The following TOM1L2 variants were observed in gnomAD, a reference collection of about 807,000 sequenced individuals.
TOM1L2 encodes the protein TOM1-like protein 2.
TOM1L2 carries 31 observed loss-of-function variants against 67.9 expected under a neutral mutation model. The observed-to-expected ratio is 0.46, with a 90% confidence interval of 0.34 to 0.62. The LOEUF (loss-of-function observed/expected upper bound fraction) is 0.62, where lower values mean the gene tolerates loss of function less well. Among genes scored for constraint, TOM1L2 ranks in the 20% least tolerant of loss-of-function variants. The probability of loss-of-function intolerance (pLI) is 0.01; values close to 1 mark genes in which losing one functional copy is unlikely to be tolerated. For missense variants in TOM1L2, 606 were observed against 663.5 expected (o/e 0.91, Z 0.95); for synonymous variants, 256 against 254.0 (o/e 1.01, Z -0.07).
intron 3 of TOM1L2, among the ~76,000 whole-genome samples, chr17:17,898,216 GCC>G (rs989412624): frequency 6.6e-6 from 1 of 152,076 alleles, no homozygotes; most frequent in African/African-American, 2.4e-5. Context: ...GAGTCACCGC[GCC>G]TGGCCAACAT....
At chr17:17,853,760 T>C (rs2036121148) in intron 12 of TOM1L2, among the ~76,000 whole-genome samples, 1 of 152,224 alleles carries the variant, frequency 6.6e-6, no homozygotes, top group African/African-American at 2.4e-5. Context: ...GACCCCACTT[T>C]CTTCACCGGA....
chr17:17,964,576 C>T (rs769180874), intron 1 of TOM1L2, among the ~76,000 whole-genome samples: 3 of 151,914 alleles, frequency 2.0e-5, no homozygotes, highest in Non-Finnish European at 4.4e-5. Context: ...TATTTTCTAT[C>T]GGTTATACAT....
chr17:17,898,148 A>T (rs1387293187), intron 3 of TOM1L2, among the ~76,000 whole-genome samples: 1 of 151,192 alleles, frequency 6.6e-6, no homozygotes, highest in East Asian at 1.9e-4. Context: ...CTGGTCTTGA[A>T]CTCCTGACCT....
intron 1 of TOM1L2, among the ~76,000 whole-genome samples, chr17:17,908,760 T>G (rs1318241752): frequency 1.3e-5 from 2 of 152,216 alleles, no homozygotes; most frequent in Non-Finnish European, 2.9e-5. Context: ...CCCATTAGGA[T>G]GGCTACTATC....
intron 13 of TOM1L2, among the ~76,000 whole-genome samples, chr17:17,849,816 G>C (rs2035859002): frequency 6.6e-6 from 1 of 152,222 alleles, no homozygotes; most frequent in South Asian, 2.1e-4. Context: ...TTCCTGCCTT[G>C]CTTCTGTGAG....
chr17:17,921,467 T>A (rs1460800822), intron 1 of TOM1L2, among the ~76,000 whole-genome samples: 1 of 152,118 alleles, frequency 6.6e-6, no homozygotes, highest in African/African-American at 2.4e-5. Context: ...ATGGAATAAC[T>A]TACGTGTGAG....
rs183171625 is a variant in TOM1L2, at chr17:17,953,752, G to A, written c.52+18510C>T. Among the ~76,000 whole-genome samples, 387 of 152,348 alleles carry A rather than the reference G, an allele frequency of 2.5e-3. 4 individuals are homozygous for A. Among genetic ancestry groups the A allele is most frequent in the African/African-American group, 8.9e-3 (369 of 41,588 alleles). ...ACTGGGTTTCAATCCTGTTGGTTGT[G>A]TGATTCTGAGAAAGTCACAACACAG... is the stretch of plus-strand genomic sequence containing the variant. On this transcript the variant is annotated intron_variant, in intron 1 of 14. Transcript: ENST00000379504.
intron 1 of TOM1L2, among the ~76,000 whole-genome samples, chr17:17,962,497 A>G (rs1036780746): frequency 1.3e-5 from 2 of 151,990 alleles, no homozygotes; most frequent in African/African-American, 4.8e-5. Flanking sequence ...GTATTTTAGT[A>G]GAGACAGGGT....
At chr17:17,954,223 AAAGT>A (rs1418967278) in intron 1 of TOM1L2, among the ~76,000 whole-genome samples, 1 of 152,204 alleles carries the variant, frequency 6.6e-6, no homozygotes, top group Non-Finnish European at 1.5e-5. Context: ...TGGGAACGGC[AAAGT>A]AAGTAGAGAC....
chr17:17,908,505 C>T (rs1303408977), intron 1 of TOM1L2, among the ~76,000 whole-genome samples: 1 of 152,026 alleles, frequency 6.6e-6, no homozygotes, highest in Non-Finnish European at 1.5e-5. Context: ...AGTGAACCTG[C>T]AGAGGAAGAA....
intron 1 of TOM1L2, among the ~76,000 whole-genome samples, chr17:17,912,311 G>T (rs1303348368): frequency 6.6e-6 from 1 of 151,632 alleles, no homozygotes; most frequent in African/African-American, 2.4e-5. Context: ...CTCCCGGACG[G>T]GGTGGCTGCC....
chr17:17,875,832 T>C (rs1329777650), intron 7 of TOM1L2, among the ~76,000 whole-genome samples: 1 of 152,154 alleles, frequency 6.6e-6, no homozygotes, highest in Admixed American at 6.5e-5. Flanking sequence ...GCTGCAAAGA[T>C]GGGAGGGAGA....
At chr17:17,906,288 C>G (rs1474011108) in intron 2 of TOM1L2, among the ~76,000 whole-genome samples, 1 of 152,024 alleles carries the variant, frequency 6.6e-6, no homozygotes, top group Non-Finnish European at 1.5e-5. Context: ...ACCACCACGC[C>G]TGGCTAACTT....
chr17:17,869,080 A>C, intron 8 of TOM1L2: 1 of 530,884 alleles, frequency 1.9e-6, no homozygotes, highest in Non-Finnish European at 3.1e-6. Flanking sequence ...GCAGTGGGGA[A>C]AGGCAGAGCA....
At chr17:17,887,094 C>T (rs961169654) in intron 4 of TOM1L2, among the ~76,000 whole-genome samples, 7 of 152,220 alleles carry the variant, frequency 4.6e-5, no homozygotes, top group East Asian at 1.9e-4. Flanking sequence ...CTTCCCAGGG[C>T]GGGGTGACCT....
chr17:17,964,495 A>T (rs1243146395), intron 1 of TOM1L2, among the ~76,000 whole-genome samples: 1 of 152,282 alleles, frequency 6.6e-6, no homozygotes, highest in Non-Finnish European at 1.5e-5. Flanking sequence ...TGAAATAAGC[A>T]TCTCAACAAA....
intron 7 of TOM1L2, among the ~76,000 whole-genome samples, chr17:17,874,106 C>T (rs986984182): frequency 1.3e-5 from 2 of 151,602 alleles, no homozygotes; most frequent in African/African-American, 2.4e-5. Flanking sequence ...CAGGTGCCTG[C>T]CACCAAGCCC....
At chr17:17,962,876 G>A (rs77735858) in intron 1 of TOM1L2, among the ~76,000 whole-genome samples, 6,047 of 151,720 alleles carry the variant, frequency 0.04, 321 homozygotes, top group East Asian at 0.27. Flanking sequence ...CAGGAGAATC[G>A]CTTGAACCTG....
At position 17,847,351 on chromosome 17, in the gene TOM1L2, G is replaced by T. The variant is rs1057400820; in HGVS notation, c.*284C>A. Reference sequence around the variant, plus strand: ...GGTCTGCTCAGGAAGCACTGCCTGGGGCTGGGCCACTCTGCCCGCTCTTCC... The same window carrying T: ...GGTCTGCTCAGGAAGCACTGCCTGGTGCTGGGCCACTCTGCCCGCTCTTCC... On this transcript the variant is annotated 3_prime_UTR_variant, in exon 15 of 15. Coordinates refer to ENST00000379504, the MANE Select transcript of TOM1L2 (RefSeq NM_001082968.2). 8 of 475,960 alleles carry T rather than the reference G, an allele frequency of 1.7e-5. No individual in the cohort carries two copies. Among genetic ancestry groups the T allele is most frequent in the Non-Finnish European group, 3.0e-5 (8 of 265,004 alleles). The allele number at this position is 475,960 out of a possible 1,614,324, so 29.5% of individuals were successfully genotyped here.
Sources: gnomAD v4.1 joint callset for allele counts (sites outside exome capture counted in the v4.1 genomes callset) on GRCh38, gnomAD v4.1.1 for gene constraint, MANE v1.5 for transcripts, NCBI Gene and HGNC (gene_info 2026-07-23, HGNC 2026-07-21) for gene names.